Variants in RABGAP1 observed in about 807,000 individuals in gnomAD.
RABGAP1 encodes rab GTPase-activating protein 1.
A neutral mutation model predicts 137.6 loss-of-function variants in RABGAP1; 23 were observed. The ratio of observed to expected loss-of-function variants is 0.17; its 90% CI spans 0.12 to 0.24. The LOEUF (loss-of-function observed/expected upper bound fraction) is 0.24, where lower values mean the gene tolerates loss of function less well. RABGAP1 is among the 10% of genes least tolerant of loss of function. RABGAP1 has a pLI of 1.00. For synonymous variants in RABGAP1, 451 were observed against 450.7 expected, an observed-to-expected ratio of 1.00 and a Z score of -0.01; for missense variants, 906 against 1,275.8, an observed-to-expected ratio of 0.71 and a Z score of 4.42.
upstream of RABGAP1, among the ~76,000 whole-genome samples, chr9:122,936,099 A>G (rs1215146819): frequency 2.6e-5 from 4 of 151,916 alleles, no homozygotes; most frequent in Non-Finnish European, 5.9e-5. Context: ...TAATTATAAT[A>G]TATTTGGTGG....
At chr9:122,979,216 G>A (rs745540218) in intron 2 of RABGAP1, among the ~76,000 whole-genome samples, 2 of 152,014 alleles carry the variant, frequency 1.3e-5, no homozygotes, top group Non-Finnish European at 2.9e-5. Context: ...TTCTTATAAG[G>A]GTATAGAGGC....
At chr9:122,932,174 C>A in the RABGAP1 span, among the ~76,000 whole-genome samples, 3 of 152,194 alleles carry the variant, frequency 2.0e-5, no homozygotes, top group Admixed American at 1.3e-4. Flanking sequence ...GAGTTCTTTT[C>A]CTTGCCAATC....
At chr9:122,998,055 C>T (rs1837126439) in intron 9 of RABGAP1, among the ~76,000 whole-genome samples, 1 of 152,024 alleles carries the variant, frequency 6.6e-6, no homozygotes. Flanking sequence ...GCAGAACAAT[C>T]TGACAGTACA....
At chr9:122,997,479 A>G (rs1049307379) in intron 9 of RABGAP1, 118 bp downstream of exon 9, 5 of 593,968 alleles carry the variant, frequency 8.4e-6, no homozygotes, top group Non-Finnish European at 1.4e-5. Context: ...AAACCGAAGA[A>G]TTTGAATAGT....
intron 1 of RABGAP1, among the ~76,000 whole-genome samples, chr9:122,956,356 C>A (rs777180938): frequency 7.9e-5 from 12 of 151,486 alleles, no homozygotes; most frequent in Non-Finnish European, 1.3e-4. Flanking sequence ...TGTGCCCTCA[C>A]AATAACTAAG....
rs2034310997 is a variant in RABGAP1, at chr9:123,070,223, T to C, written c.1909-127T>C. On this transcript the variant is annotated intron_variant, in intron 14 of 25. Transcript: ENST00000373647. This position sits in a 1 kb window ranked among gnomAD's most constrained non-coding sequence, Gnocchi z 4.4. ...AGAGAAGTATTGGCACCACTTACTG[T>C]CTGTCAAAATGCTGTCCCAGTGTGG... 6.7e-7 allele frequency: 1 copy of C among 1,484,544 alleles called. No individual in the cohort carries two copies. The highest frequency in any genetic ancestry group is 2.2e-5 in the Admixed American group (1 of 44,940). The allele number at this position is 1,484,544 out of a possible 1,614,324, so 92.0% of individuals were successfully genotyped here.
At chr9:123,047,918 GGTTTTTTTTTTTTTT>G (rs2033278732) in intron 13 of RABGAP1, among the ~76,000 whole-genome samples, 1 of 108,474 alleles carries the variant, frequency 9.2e-6, no homozygotes, top group African/African-American at 3.1e-5. Flanking sequence ...ACAGCTGCTG[GGTTTTTTTTTTTTTT>G]TTTTTTTTTT....
upstream of RABGAP1, among the ~76,000 whole-genome samples, chr9:122,936,084 C>G (rs1000201682): frequency 1.3e-5 from 2 of 151,942 alleles, no homozygotes; most frequent in Admixed American, 6.5e-5. Flanking sequence ...TGGCTTTTCA[C>G]AGCTTAATTA....
chr9:123,028,481 G>T (rs2032109834), intron 13 of RABGAP1, among the ~76,000 whole-genome samples: 1 of 152,194 alleles, frequency 6.6e-6, no homozygotes, highest in Non-Finnish European at 1.5e-5. Context: ...TGTTCTAAAA[G>T]GTCTCTTGCT....
chr9:123,088,658 A>T (rs982227338), intron 19 of RABGAP1, among the ~76,000 whole-genome samples: 1 of 152,136 alleles, frequency 6.6e-6, no homozygotes, highest in Non-Finnish European at 1.5e-5. Flanking sequence ...ACTGCACTCC[A>T]GCTTGGGTGA....
intron 8 of RABGAP1, chr9:122,996,946 A>G (rs1837051368): frequency 1.9e-6 from 1 of 528,016 alleles, no homozygotes; most frequent in South Asian, 1.7e-5. Context: ...TATTATTCCC[A>G]TTATCTGAAA....
chr9:123,051,577 AT>A (rs1204441283), intron 13 of RABGAP1, among the ~76,000 whole-genome samples: 1 of 151,426 alleles, frequency 6.6e-6, no homozygotes, highest in Non-Finnish European at 1.5e-5. Context: ...AGAGTGTCAT[AT>A]ATTTCTCTGG....
chr9:123,073,415 T>G lies in RABGAP1; in HGVS notation c.1984-137T>G, dbSNP rs1588378292. 3 of 1,064,588 alleles carry G rather than the reference T, an allele frequency of 2.8e-6. No homozygotes were observed. The East Asian group carries it at 7.3e-5, about 26-fold the overall frequency. 65.9% of individuals were successfully genotyped at this position (1,064,588 alleles called of 1,614,324 possible). A position where few individuals can be genotyped will look rare whatever the true frequency, so the allele number is the denominator to read the frequency against. ...AATGTTTTAAACACAACCTTAGGCC[T>G]GAGTTTCTGCATAGCACTAAATTTT... is the stretch of plus-strand genomic sequence containing the variant. On this transcript the variant is annotated intron_variant, in intron 15 of 25. Transcript: ENST00000373647.
chr9:122,942,321 C>A (rs563205597), intron 1 of RABGAP1, among the ~76,000 whole-genome samples: 1 of 152,244 alleles, frequency 6.6e-6, no homozygotes, highest in East Asian at 1.9e-4. Flanking sequence ...TGCCTTAGTT[C>A]AAGTTTGTAT....
At position 122,941,040 on chromosome 9, in the gene RABGAP1, C is replaced by G. The variant is rs951042890; in HGVS notation, c.-103C>G. The stretch of plus-strand genomic sequence containing the variant: ...AGGGCGGTTTGGGAGGCCCAGGCGG[C>G]GGAGCCTCCGGGACGGCGAGCGGCG... On this transcript the variant is annotated 5_prime_UTR_variant, in exon 1 of 26. Coordinates refer to ENST00000373647, the MANE Select transcript of RABGAP1 (RefSeq NM_012197.4). The G allele has an allele frequency of 6.6e-6, 1 of 152,640 alleles. No homozygotes were observed. Among genetic ancestry groups the G allele is most frequent in the African/African-American group, 2.4e-5 (1 of 41,354 alleles). 9.5% of individuals were successfully genotyped at this position (152,640 alleles called of 1,614,324 possible). A position where few individuals can be genotyped will look rare whatever the true frequency, so the allele number is the denominator to read the frequency against.
intron 2 of RABGAP1, among the ~76,000 whole-genome samples, chr9:122,964,609 T>TA (rs1835037409): frequency 6.6e-6 from 1 of 152,114 alleles, no homozygotes; most frequent in Non-Finnish European, 1.5e-5. Context: ...AGCTCACAGG[T>TA]AAAATCATAC....
intron 14 of RABGAP1, among the ~76,000 whole-genome samples, chr9:123,069,475 C>T (rs914604017): frequency 2.0e-5 from 3 of 151,780 alleles, no homozygotes; most frequent in Non-Finnish European, 4.4e-5. Flanking sequence ...TGGTGGCTCA[C>T]GCCTGTAATC....
At chr9:122,990,348 C>A (rs2131778247) in intron 6 of RABGAP1, 135 bp downstream of exon 6, 2 of 650,656 alleles carry the variant, frequency 3.1e-6, no homozygotes, top group Non-Finnish European at 4.6e-6. Context: ...ATGATAAAGG[C>A]ATATAAATAC....
intron 2 of RABGAP1, among the ~76,000 whole-genome samples, chr9:122,973,555 C>A (rs1321607213): frequency 6.6e-6 from 1 of 151,866 alleles, no homozygotes; most frequent in Non-Finnish European, 1.5e-5. Context: ...TTTTTAAACT[C>A]TTTAATCCTC....
Sources: allele counts gnomAD v4.1 joint callset (sites outside exome capture counted in the v4.1 genomes callset), GRCh38; gene constraint gnomAD v4.1.1; non-coding constraint Gnocchi (gnomAD v3.1); transcripts MANE v1.5; gene names NCBI Gene and HGNC (gene_info 2026-07-23, HGNC 2026-07-21).